PARD3B: variants seen among roughly 807,000 people sequenced by gnomAD.
PARD3B encodes par-3 family cell polarity regulator beta, also known as partitioning defective 3 homolog B.
In PARD3B, 103 loss-of-function variants were observed where a neutral mutation model predicts 130.2. The observed-to-expected ratio is 0.79, with a 90% CI of 0.67 to 0.93. The LOEUF is 0.93. Among genes scored for constraint, PARD3B ranks in the 40% least tolerant of loss-of-function variants. The pLI, the probability that PARD3B is intolerant of heterozygous loss-of-function variation, is 0.00. For missense variants in PARD3B, 1,609 were observed against 1,499.2 expected, an observed-to-expected ratio of 1.07 and a Z score of -1.21; for synonymous variants, 583 against 553.2, an observed-to-expected ratio of 1.05 and a Z score of -0.76.
chr2:205,441,303 A>C (rs777325554), intron 20 of PARD3B, among the ~76,000 whole-genome samples: 47 of 152,312 alleles, frequency 3.1e-4, no homozygotes, highest in Non-Finnish European at 6.5e-4. Context: ...AGATAATAGG[A>C]CTATCTGTCA....
intron 2 of PARD3B, among the ~76,000 whole-genome samples, chr2:204,877,775 A>G (rs950638860): frequency 6.6e-6 from 1 of 152,202 alleles, no homozygotes; most frequent in African/African-American, 2.4e-5. Context: ...TGCAGACAGG[A>G]GAACTGTGTG....
At position 205,536,391 on chromosome 2, in the gene PARD3B, C is replaced by A. The variant is rs544655624; in HGVS notation, c.3181-16933C>A. 1.1e-4 allele frequency among the ~76,000 whole-genome samples: 17 copies of A among 152,256 alleles called. No individual in the cohort carries two copies. The South Asian group carries it at 3.5e-3, about 32-fold the overall frequency. Reference sequence around the variant, plus strand: ...CTGCTCCCACTCATTTGAGTTTTGCCGCTCTGTGAATTATGGTATTTGATC... The same window carrying A: ...CTGCTCCCACTCATTTGAGTTTTGCAGCTCTGTGAATTATGGTATTTGATC... On this transcript the variant is annotated intron_variant, in intron 21 of 22. Transcript: ENST00000406610.
chr2:204,571,785 G>A (rs1399578862), intron 1 of PARD3B, among the ~76,000 whole-genome samples: 1 of 152,108 alleles, frequency 6.6e-6, no homozygotes, highest in Non-Finnish European at 1.5e-5. Context: ...ATAAACTTTA[G>A]TTCAGACCAA....
intron 21 of PARD3B, among the ~76,000 whole-genome samples, chr2:205,539,619 TTTTTA>T (rs2052032402): frequency 6.6e-6 from 1 of 152,164 alleles, no homozygotes; most frequent in Non-Finnish European, 1.5e-5. Context: ...GACCAGCTGT[TTTTTA>T]TTTTAACAAT....
In PARD3B at chr2:205,158,402, TTTTA is replaced by T. The variant is rs1315431793; in HGVS notation, c.1435-317_1435-314del. Among the ~76,000 whole-genome samples, 1 of 152,212 alleles carries T rather than the reference TTTTA, an allele frequency of 6.6e-6. No individual in the cohort carries two copies. The highest frequency in any genetic ancestry group is 2.4e-5 in the African/African-American group (1 of 41,458). ...CACCCTAAGTCTAATGTCCAGCCTT[TTTTA>T]TTATGGAGAATATCTTAGTAAATTT... On this transcript the variant is annotated intron_variant, in intron 10 of 22. Coordinates refer to ENST00000406610, the MANE Select transcript of PARD3B (RefSeq NM_001302769.2). This position sits in a 1 kb window ranked among gnomAD's most constrained non-coding sequence, Gnocchi z 5.4.
intron 16 of PARD3B, among the ~76,000 whole-genome samples, chr2:205,261,369 C>T (rs1258290511): frequency 2.6e-5 from 4 of 152,252 alleles, no homozygotes; most frequent in East Asian, 1.9e-4. Flanking sequence ...CAAGATACCA[C>T]CATTGTGTCT....
At chr2:205,144,223 T>C (rs2125679645) in intron 10 of PARD3B, among the ~76,000 whole-genome samples, 1 of 152,304 alleles carries the variant, frequency 6.6e-6, no homozygotes, top group South Asian at 2.1e-4. Context: ...CATGTGGTGG[T>C]CCAAGGAAGA....
At chr2:205,613,859 C>A (rs1258050463) in intron 22 of PARD3B, among the ~76,000 whole-genome samples, 3 of 152,162 alleles carry the variant, frequency 2.0e-5, no homozygotes, top group Non-Finnish European at 4.4e-5. Context: ...GTTTTAACAT[C>A]CACCTCCACA....
At chr2:205,012,336 C>A (rs929614738) in intron 3 of PARD3B, among the ~76,000 whole-genome samples, 5 of 152,014 alleles carry the variant, frequency 3.3e-5, no homozygotes, top group African/African-American at 1.2e-4. Context: ...TATATATTTC[C>A]ATTTTTCTGC....
At chr2:204,726,030 T>C (rs2039209926) in intron 2 of PARD3B, among the ~76,000 whole-genome samples, 1 of 152,156 alleles carries the variant, frequency 6.6e-6, no homozygotes, top group African/African-American at 2.4e-5. Flanking sequence ...ACAGTGGCTA[T>C]TAACATTAAC....
chr2:205,551,148 A>G (rs2052628018), intron 21 of PARD3B, among the ~76,000 whole-genome samples: 1 of 151,686 alleles, frequency 6.6e-6, no homozygotes, highest in Non-Finnish European at 1.5e-5. Flanking sequence ...AGCTACAAGA[A>G]AAAGTTCAGT....
chr2:204,878,920 G>T (rs927346589), intron 2 of PARD3B, among the ~76,000 whole-genome samples: 1 of 151,944 alleles, frequency 6.6e-6, no homozygotes, highest in Non-Finnish European at 1.5e-5. Context: ...AGTTATGTAG[G>T]TTTACAAGAT....
chr2:204,757,683 A>C (rs2040737137), intron 2 of PARD3B, among the ~76,000 whole-genome samples: 2 of 152,142 alleles, frequency 1.3e-5, no homozygotes, highest in African/African-American at 2.4e-5. Flanking sequence ...GCTGATATGA[A>C]ACTAGCGATT....
intron 1 of PARD3B, among the ~76,000 whole-genome samples, chr2:204,584,565 T>TTGC (rs1484014808): frequency 6.6e-5 from 10 of 152,174 alleles, no homozygotes; most frequent in African/African-American, 2.4e-4. Flanking sequence ...TCCCCAAACT[T>TTGC]TGCTGCACAA....
At position 205,554,157 on chromosome 2, in the gene PARD3B, C is replaced by A. The variant is rs150797949; in HGVS notation, c.3260+754C>A. Among the ~76,000 whole-genome samples the A allele has an allele frequency of 2.0e-3, 306 of 152,220 alleles. 1 individual carries two copies. The highest frequency in any genetic ancestry group is 0.01 in the Middle Eastern group (3 of 294). On this transcript the variant is annotated intron_variant, in intron 22 of 22. Transcript: ENST00000406610. ...GGTGAGAGTATGAGAATTAATGCAT[C>A]CAAAAGAGAAACAAAGTAAGGTTAA...
At chr2:205,177,889 C>G (rs1452188925) in intron 13 of PARD3B, among the ~76,000 whole-genome samples, 1 of 152,068 alleles carries the variant, frequency 6.6e-6, no homozygotes, top group East Asian at 1.9e-4. Context: ...GATACATGCA[C>G]AGTCTGGATT....
At position 204,755,994 on chromosome 2, in the gene PARD3B, C is replaced by G. The variant is rs189190830; in HGVS notation, c.222+69712C>G. Among the ~76,000 whole-genome samples, 52 of 152,194 alleles carry G rather than the reference C, an allele frequency of 3.4e-4. 1 individual carries two copies. Among genetic ancestry groups the G allele is most frequent in the Admixed American group, 3.2e-3 (49 of 15,266 alleles). On this transcript the variant is annotated intron_variant, in intron 2 of 22. Transcript: ENST00000406610. ...ATGTATATAAGAGTTTACCTGGATA[C>G]TTGTCTATCTTCTGCTTTACTTCCA...
intron 22 of PARD3B, among the ~76,000 whole-genome samples, chr2:205,569,443 T>G (rs1274550127): frequency 6.6e-6 from 1 of 152,238 alleles, no homozygotes; most frequent in Non-Finnish European, 1.5e-5. Flanking sequence ...CATACTTTCT[T>G]CTAATTATTT....
At chr2:205,010,563 A>C (rs1307569858) in intron 3 of PARD3B, among the ~76,000 whole-genome samples, 1 of 152,210 alleles carries the variant, frequency 6.6e-6, no homozygotes, top group Admixed American at 6.5e-5. Context: ...ATTTCTAAGA[A>C]ATTTTTCACT....
Sources: allele counts gnomAD v4.1 joint callset (sites outside exome capture counted in the v4.1 genomes callset), GRCh38; gene constraint gnomAD v4.1.1; non-coding constraint Gnocchi (gnomAD v3.1); transcripts MANE v1.5; gene names NCBI Gene and HGNC (gene_info 2026-07-23, HGNC 2026-07-21).